Variants in SCFD2 observed in about 807,000 individuals in gnomAD.
SCFD2 encodes the protein sec1 family domain-containing protein 2.
A neutral mutation model predicts 58.9 loss-of-function variants in SCFD2; 54 were observed. That is an observed-to-expected ratio of 0.92 (90% CI 0.74 to 1.15). The LOEUF (loss-of-function observed/expected upper bound fraction) is 1.15, where lower values mean the gene tolerates loss of function less well. SCFD2 is among the 50% of genes most tolerant of loss of function. The pLI is 0.00. For synonymous variants in SCFD2, 321 were observed against 335.9 expected (o/e 0.96, Z 0.49); for missense variants, 805 against 836.6 (o/e 0.96, Z 0.47).
At chr4:53,172,436 T>C (rs1379822652) in intron 4 of SCFD2, among the ~76,000 whole-genome samples, 1 of 152,236 alleles carries the variant, frequency 6.6e-6, no homozygotes, top group Non-Finnish European at 1.5e-5. Context: ...CATTAGGTTG[T>C]TTATTTCAGA....
chr4:53,212,853 G>T (rs904234474), intron 4 of SCFD2, among the ~76,000 whole-genome samples: 6 of 145,800 alleles, frequency 4.1e-5, no homozygotes, highest in East Asian at 2.0e-4. Flanking sequence ...TGATTACACG[G>T]TTTTTTTTTT....
rs1287827358 is a variant in SCFD2 at position 53,204,840 on chromosome 4, G to A, written c.1312-59258C>T. The stretch of plus-strand genomic sequence containing the variant: ...GTATTACATATATTACAAAGGATTA[G>A]GAATCAGAACAGGTTCAGAAATCTC... On this transcript the variant is annotated intron_variant, in intron 4 of 8. Transcript: ENST00000401642. Among the ~76,000 whole-genome samples, 3 of 151,280 alleles carry A rather than the reference G, an allele frequency of 2.0e-5. No individual in the cohort carries two copies. The South Asian group carries it at 6.3e-4, about 32-fold the overall frequency.
At chr4:52,945,390 C>T (rs542376729) in intron 5 of SCFD2, among the ~76,000 whole-genome samples, 24 of 152,100 alleles carry the variant, frequency 1.6e-4, no homozygotes, top group South Asian at 6.2e-4. Flanking sequence ...TTTTTATATC[C>T]CCAGCCCACA....
intron 5 of SCFD2, among the ~76,000 whole-genome samples, chr4:52,979,500 T>C (rs1721328841): frequency 6.6e-6 from 1 of 152,072 alleles, no homozygotes; most frequent in Admixed American, 6.6e-5. Context: ...TCTTGGGTGA[T>C]TGAAATCATT....
chr4:53,212,827 C>A lies in SCFD2; in HGVS notation c.1311+60999G>T, dbSNP rs1484700575. 3.3e-5 allele frequency among the ~76,000 whole-genome samples: 5 copies of A among 151,558 alleles called. 1 individual carries two copies. The East Asian group carries it at 9.7e-4, about 29-fold the overall frequency. On this transcript the variant is annotated intron_variant, in intron 4 of 8. Coordinates refer to ENST00000401642, the MANE Select transcript of SCFD2 (RefSeq NM_152540.4). ...ATTCAAATTCTCCTTCACAAGTGAACCTTAACTCATCACAATGATTACACG... is the reference window on the plus strand; with the variant it reads ...ATTCAAATTCTCCTTCACAAGTGAAACTTAACTCATCACAATGATTACACG...
At chr4:53,211,713 C>A (rs565199029) in intron 4 of SCFD2, among the ~76,000 whole-genome samples, 1 of 151,828 alleles carries the variant, frequency 6.6e-6, no homozygotes, top group Non-Finnish European at 1.5e-5. Flanking sequence ...TCACAAATGT[C>A]TTCTTCTGTG....
intron 7 of SCFD2, among the ~76,000 whole-genome samples, chr4:52,891,868 T>G (rs1384857217): frequency 6.6e-6 from 1 of 152,186 alleles, no homozygotes; most frequent in African/African-American, 2.4e-5. Context: ...TTCTAAGCCC[T>G]CTTAGCTTCT....
At chr4:53,231,064 AACT>A (rs1425827874) in intron 4 of SCFD2, among the ~76,000 whole-genome samples, 1 of 152,122 alleles carries the variant, frequency 6.6e-6, no homozygotes, top group African/African-American at 2.4e-5. Flanking sequence ...GCCATGCTAC[AACT>A]GATAGGTATT....
chr4:52,939,069 G>C (rs1035153923), intron 5 of SCFD2, among the ~76,000 whole-genome samples: 7 of 152,150 alleles, frequency 4.6e-5, no homozygotes, highest in African/African-American at 1.4e-4. Flanking sequence ...TCATAGATCT[G>C]AGGTGGACCC....
chr4:53,096,259 T>C (rs1382320108), intron 5 of SCFD2, among the ~76,000 whole-genome samples: 2 of 152,198 alleles, frequency 1.3e-5, no homozygotes, highest in East Asian at 1.9e-4. Flanking sequence ...GGTCAAATGG[T>C]ATTTCTAGTT....
intron 5 of SCFD2, among the ~76,000 whole-genome samples, chr4:52,922,030 A>G (rs1719747885): frequency 6.6e-6 from 1 of 151,088 alleles, no homozygotes; most frequent in Non-Finnish European, 1.5e-5. Flanking sequence ...ACCCATTAAT[A>G]CCCCCATTAG....
At chr4:53,330,826 T>A (rs1313886855) in intron 2 of SCFD2, among the ~76,000 whole-genome samples, 1 of 151,966 alleles carries the variant, frequency 6.6e-6, no homozygotes, top group Non-Finnish European at 1.5e-5. Flanking sequence ...TCAAGACCCA[T>A]CAGTGTGCTG....
chr4:52,909,267 G>T (rs1393792761), intron 6 of SCFD2, among the ~76,000 whole-genome samples: 3 of 152,178 alleles, frequency 2.0e-5, no homozygotes, highest in Admixed American at 6.5e-5. Context: ...ATTGTTTGTA[G>T]TACCAAGATT....
At chr4:52,982,271 T>C (rs757227150) in intron 5 of SCFD2, among the ~76,000 whole-genome samples, 55 of 152,200 alleles carry the variant, frequency 3.6e-4, no homozygotes, top group Admixed American at 2.6e-4. Flanking sequence ...AGAGTTACTA[T>C]GGCCAAGGGG....
At chr4:53,139,130 C>T (rs1265808213) in intron 5 of SCFD2, among the ~76,000 whole-genome samples, 7 of 152,302 alleles carry the variant, frequency 4.6e-5, no homozygotes, top group South Asian at 2.1e-4. Context: ...CTCGGCCTCC[C>T]GAGGTGCCGG....
intron 1 of SCFD2, among the ~76,000 whole-genome samples, chr4:53,354,253 C>T (rs1208820542): frequency 2.0e-5 from 3 of 152,194 alleles, no homozygotes; most frequent in African/African-American, 2.4e-5. Flanking sequence ...TGAGGCCTGG[C>T]GAGAATTCAA....
At chr4:53,222,131 G>A (rs1479712369) in intron 4 of SCFD2, among the ~76,000 whole-genome samples, 1 of 152,162 alleles carries the variant, frequency 6.6e-6, no homozygotes, top group Non-Finnish European at 1.5e-5. Context: ...TCTGGATTAT[G>A]TCTTTCCTTT....
chr4:53,215,658 C>T (rs1480410476), intron 4 of SCFD2, among the ~76,000 whole-genome samples: 1 of 152,078 alleles, frequency 6.6e-6, no homozygotes, highest in Non-Finnish European at 1.5e-5. Context: ...GCCTGATTGT[C>T]CTAGCCAGAA....
rs375769880 is a variant in SCFD2, at chr4:53,241,558, T to C, written c.1311+32268A>G. Among the ~76,000 whole-genome samples, 5 of 152,286 alleles carry C rather than the reference T, an allele frequency of 3.3e-5. No individual in the cohort carries two copies. The South Asian group carries it at 1.0e-3, about 32-fold the overall frequency. The stretch of plus-strand genomic sequence containing the variant: ...GCGTGCTCCAGTAGAGCAGCCCCAT[T>C]GATATACACCAGCCCACTTGTATCC... On this transcript the variant is annotated intron_variant, in intron 4 of 8. Coordinates refer to ENST00000401642, the MANE Select transcript of SCFD2 (RefSeq NM_152540.4).
Sources: allele counts gnomAD v4.1 joint callset (sites outside exome capture counted in the v4.1 genomes callset), GRCh38; gene constraint gnomAD v4.1.1; transcripts MANE v1.5; gene names NCBI Gene and HGNC (gene_info 2026-07-23, HGNC 2026-07-21).